TAFA4: variants seen among roughly 807,000 people sequenced by gnomAD.
TAFA4 encodes chemokine-like protein TAFA-4.
In TAFA4, 20 loss-of-function variants were observed where a neutral mutation model predicts 21.1. The observed-to-expected ratio is 0.95, with a 90% CI of 0.67 to 1.38. TAFA4 has a LOEUF of 1.38. TAFA4 is among the 40% of genes most tolerant of loss of function. The probability of loss-of-function intolerance (pLI) is 0.00; values close to 1 mark genes in which losing one functional copy is unlikely to be tolerated. For synonymous variants in TAFA4, 71 were observed against 67.4 expected, an observed-to-expected ratio of 1.05 and a Z score of -0.26; for missense variants, 211 against 180.9, an observed-to-expected ratio of 1.17 and a Z score of -0.95.
At chr3:68,918,201 C>T (rs929794443) in intron 1 of TAFA4, among the ~76,000 whole-genome samples, 7 of 151,650 alleles carry the variant, frequency 4.6e-5, no homozygotes, top group African/African-American at 1.5e-4. Flanking sequence ...ACAGAGCCAC[C>T]GAACAAGGAA....
At chr3:68,795,416 A>AC (rs1214735942) in intron 3 of TAFA4, among the ~76,000 whole-genome samples, 4 of 151,832 alleles carry the variant, frequency 2.6e-5, no homozygotes, top group Non-Finnish European at 4.4e-5. Flanking sequence ...AGATCATATG[A>AC]CCCCAACCTA....
At chr3:68,779,364 A>G (rs1703109887) in intron 3 of TAFA4, among the ~76,000 whole-genome samples, 1 of 152,230 alleles carries the variant, frequency 6.6e-6, no homozygotes, top group South Asian at 2.1e-4. Context: ...GCATAAGTAA[A>G]GAGGAACCGA....
intron 4 of TAFA4, among the ~76,000 whole-genome samples, chr3:68,750,938 A>T (rs1310277009): frequency 6.6e-6 from 1 of 152,182 alleles, no homozygotes; most frequent in Non-Finnish European, 1.5e-5. Flanking sequence ...CCCATCCACA[A>T]GCTGTTTACA....
At chr3:68,740,071 G>T (rs530304355) in intron 4 of TAFA4, among the ~76,000 whole-genome samples, 4 of 152,144 alleles carry the variant, frequency 2.6e-5, no homozygotes, top group African/African-American at 9.7e-5. Context: ...GCCTGGGTTT[G>T]AATCTGACTG....
chr3:68,883,484 A>C (rs2106954264), intron 2 of TAFA4, among the ~76,000 whole-genome samples: 1 of 152,330 alleles, frequency 6.6e-6, no homozygotes, highest in East Asian at 1.9e-4. Flanking sequence ...CCCTTCATCT[A>C]TGCCTTACAG....
chr3:68,802,755 T>C (rs909299161), intron 3 of TAFA4, among the ~76,000 whole-genome samples: 1 of 152,226 alleles, frequency 6.6e-6, no homozygotes, highest in Admixed American at 6.5e-5. Flanking sequence ...CACCGCACAG[T>C]AACATTTCTA....
intron 5 of TAFA4, among the ~76,000 whole-genome samples, chr3:68,735,417 G>T (rs1021797005): frequency 7.9e-5 from 12 of 152,104 alleles, no homozygotes; most frequent in South Asian, 2.1e-4. Flanking sequence ...CAGGTAGAGA[G>T]CTCAGTTAGA....
chr3:68,735,114 A>G (rs995752660), intron 5 of TAFA4, among the ~76,000 whole-genome samples: 5 of 152,228 alleles, frequency 3.3e-5, no homozygotes, highest in Admixed American at 1.3e-4. Flanking sequence ...AAGTCTGACT[A>G]TAGAGATCAG....
rs533676305 is a variant in TAFA4, at chr3:68,915,154, C to T, written c.-123+17086G>A. On this transcript the variant is annotated intron_variant, in intron 1 of 5. Transcript: ENST00000295569. ...ACCTCCCTGTTCTAATTCTTTCGTA[C>T]TAAGAGGCTATTCTCAAATACCCAC... 9.8e-5 allele frequency among the ~76,000 whole-genome samples: 15 copies of T among 152,298 alleles called. No individual in the cohort carries two copies. The South Asian group carries it at 3.1e-3, about 32-fold the overall frequency.
intron 3 of TAFA4, among the ~76,000 whole-genome samples, chr3:68,810,445 G>A (rs1349620074): frequency 6.6e-6 from 1 of 152,192 alleles, no homozygotes; most frequent in Non-Finnish European, 1.5e-5. Context: ...GTGACAGACG[G>A]CATCTGGAAA....
In TAFA4 at chr3:68,926,354, T is replaced by TA. The variant is rs563872645; in HGVS notation, c.-123+5885dup. 2.0e-3 allele frequency among the ~76,000 whole-genome samples: 307 copies of TA among 152,332 alleles called. 3 individuals carry two copies. Among genetic ancestry groups the TA allele is most frequent in the East Asian group, 6.2e-3 (32 of 5,188 alleles). On this transcript the variant is annotated intron_variant, in intron 1 of 5. Transcript: ENST00000295569. ...CAAAATTGGGTGGGTTTCTTTTTTT[T>TA]AACTTTCCTTTTATATTTTTCTGCA...
At chr3:68,733,544 A>G (rs1468668010) in intron 5 of TAFA4, among the ~76,000 whole-genome samples, 1 of 152,124 alleles carries the variant, frequency 6.6e-6, no homozygotes, top group African/African-American at 2.4e-5. Context: ...TGCCTTTTTT[A>G]TGTTATTTTT....
chr3:68,902,708 C>CTAGAG (rs2089856420), intron 1 of TAFA4, among the ~76,000 whole-genome samples: 1 of 152,124 alleles, frequency 6.6e-6, no homozygotes, highest in Non-Finnish European at 1.5e-5. Context: ...ACAACCTTGT[C>CTAGAG]TTTTGGTCTT....
chr3:68,789,818 A>T (rs1258682988), intron 3 of TAFA4, among the ~76,000 whole-genome samples: 2 of 152,230 alleles, frequency 1.3e-5, no homozygotes, highest in African/African-American at 4.8e-5. Context: ...AAAGAAATGC[A>T]CACATTTAAC....
rs1438070327 is a variant in TAFA4 at position 68,873,290 on chromosome 3, T to C, written c.130+7440A>G. ...TACTTGTTTTCCAGGAGAAGACAAA[T>C]AGAAACAGACACAGACACACACACA... On this transcript the variant is annotated intron_variant, in intron 3 of 5. Transcript: ENST00000295569. 2.0e-5 allele frequency among the ~76,000 whole-genome samples: 3 copies of C among 146,780 alleles called. No homozygotes were observed. The East Asian group carries it at 6.3e-4, about 31-fold the overall frequency.
At chr3:68,901,337 T>C (rs1358556021) in intron 1 of TAFA4, among the ~76,000 whole-genome samples, 1 of 152,114 alleles carries the variant, frequency 6.6e-6, no homozygotes, top group African/African-American at 2.4e-5. Context: ...AAAATTCTTA[T>C]CTTTGCTTGG....
intron 1 of TAFA4, among the ~76,000 whole-genome samples, chr3:68,894,238 G>A (rs189358764): frequency 7.2e-4 from 109 of 151,016 alleles, no homozygotes; most frequent in African/African-American, 2.5e-3. Context: ...GGGTCACTGC[G>A]TCCTTCATCT....
chr3:68,798,597 G>A (rs779103156), intron 3 of TAFA4, among the ~76,000 whole-genome samples: 2 of 152,100 alleles, frequency 1.3e-5, no homozygotes, highest in African/African-American at 2.4e-5. Context: ...ACCATCAAGA[G>A]CACAAAAATA....
At chr3:68,858,368 T>C (rs1705118050) in intron 3 of TAFA4, among the ~76,000 whole-genome samples, 2 of 151,898 alleles carry the variant, frequency 1.3e-5, no homozygotes, top group African/African-American at 2.4e-5. Context: ...GGAACGCAGA[T>C]TAATAACACC....
Sources: gnomAD v4.1 joint callset for allele counts (sites outside exome capture counted in the v4.1 genomes callset) on GRCh38, gnomAD v4.1.1 for gene constraint, MANE v1.5 for transcripts, NCBI Gene and HGNC (gene_info 2026-07-23, HGNC 2026-07-21) for gene names.